Variants in PPARGC1A observed in about 807,000 individuals in gnomAD.
The protein encoded by PPARGC1A is PPARG coactivator 1 alpha.
Under a neutral mutation model 88.7 loss-of-function variants are expected in PPARGC1A, and 25 were observed. The observed-to-expected ratio is 0.28, with a 90% CI of 0.21 to 0.39. The LOEUF is 0.39. PPARGC1A is among the 10% of genes least tolerant of loss of function. PPARGC1A has a pLI of 1.00. For synonymous variants in PPARGC1A, 363 were observed against 355.6 expected (o/e 1.02, Z -0.24); for missense variants, 880 against 968.7 (o/e 0.91, Z 1.22).
chr4:24,084,232 T>C, the PPARGC1A span, among the ~76,000 whole-genome samples: 2 of 152,206 alleles, frequency 1.3e-5, no homozygotes, highest in African/African-American at 4.8e-5. Context: ...TACTGGTTAG[T>C]CCTGGCTAGA....
the PPARGC1A span, among the ~76,000 whole-genome samples, chr4:24,430,945 C>G: frequency 6.6e-6 from 1 of 151,774 alleles, no homozygotes; most frequent in African/African-American, 2.4e-5. Flanking sequence ...TGGTGAAACC[C>G]TTTCTCTACT....
chr4:24,100,065 T>C, the PPARGC1A span, among the ~76,000 whole-genome samples: 8 of 152,050 alleles, frequency 5.3e-5, no homozygotes, highest in Admixed American at 3.3e-4. Flanking sequence ...GGCACATGTG[T>C]ACATATGTAA....
chr4:23,874,049 T>C (rs1714160703), intron 2 of PPARGC1A, among the ~76,000 whole-genome samples: 1 of 151,908 alleles, frequency 6.6e-6, no homozygotes, highest in African/African-American at 2.4e-5. Flanking sequence ...CCTCCTCACT[T>C]TTCTGTGAAC....
chr4:23,818,534 A>T (rs1252653858), intron 7 of PPARGC1A, among the ~76,000 whole-genome samples: 1 of 152,150 alleles, frequency 6.6e-6, no homozygotes, highest in Non-Finnish European at 1.5e-5. Context: ...CAACCTTAGC[A>T]ATATTTATGA....
the PPARGC1A span, among the ~76,000 whole-genome samples, chr4:24,043,290 G>C: frequency 1.3e-5 from 2 of 152,126 alleles, no homozygotes; most frequent in African/African-American, 4.8e-5. Flanking sequence ...CTTACTAAAA[G>C]CACAGTCCTG....
At chr4:24,069,605 C>T in the PPARGC1A span, among the ~76,000 whole-genome samples, 26 of 152,258 alleles carry the variant, frequency 1.7e-4, no homozygotes, top group African/African-American at 4.8e-4. Flanking sequence ...CTTGTCTTCC[C>T]CTCCAGAAAT....
At chr4:24,191,598 G>A in the PPARGC1A span, among the ~76,000 whole-genome samples, 1 of 152,048 alleles carries the variant, frequency 6.6e-6, no homozygotes, top group Non-Finnish European at 1.5e-5. Flanking sequence ...TAAATGCTAG[G>A]CCAAATTCCA....
At chr4:24,202,143 G>A in the PPARGC1A span, among the ~76,000 whole-genome samples, 996 of 152,152 alleles carry the variant, frequency 6.5e-3, 4 homozygotes, top group Non-Finnish European at 9.4e-3. Flanking sequence ...CTTCCAAACC[G>A]CTGGGATTGC....
At chr4:24,472,904 G>A in the PPARGC1A span, among the ~76,000 whole-genome samples, 4 of 147,722 alleles carry the variant, frequency 2.7e-5, no homozygotes, top group East Asian at 8.3e-4. The surrounding 1 kb of genome is among the most constrained non-coding windows in gnomAD (Gnocchi z 4.5). Flanking sequence ...GCGGGCGTGT[G>A]CGCGCGGGGG....
the PPARGC1A span, among the ~76,000 whole-genome samples, chr4:24,106,019 T>C: frequency 6.6e-6 from 1 of 152,318 alleles, no homozygotes; most frequent in African/African-American, 2.4e-5. Context: ...CAAATTATGC[T>C]ACGCAGTTGA....
chr4:24,210,766 G>T, the PPARGC1A span, among the ~76,000 whole-genome samples: 1 of 152,186 alleles, frequency 6.6e-6, no homozygotes, highest in South Asian at 2.1e-4. Context: ...TTTTGAAAAT[G>T]AAGTGTGTTC....
the PPARGC1A span, among the ~76,000 whole-genome samples, chr4:24,349,961 G>A: frequency 3.3e-3 from 497 of 152,288 alleles, 7 homozygotes; most frequent in African/African-American, 0.011. Flanking sequence ...GGGACCCAGC[G>A]AGCTCCCAGG....
the PPARGC1A span, among the ~76,000 whole-genome samples, chr4:24,382,754 A>T: frequency 6.6e-6 from 1 of 152,192 alleles, no homozygotes; most frequent in Admixed American, 6.5e-5. Flanking sequence ...CTTATAGATA[A>T]AACTCCCATC....
the PPARGC1A span, among the ~76,000 whole-genome samples, chr4:23,926,049 C>T: frequency 0.22 from 33,660 of 152,054 alleles, 3,840 homozygotes; most frequent in African/African-American, 0.25. Flanking sequence ...CTGAATGCTG[C>T]TTCTCAGTGT....
the PPARGC1A span, among the ~76,000 whole-genome samples, chr4:24,026,040 C>A: frequency 1.3e-5 from 2 of 152,144 alleles, no homozygotes; most frequent in Non-Finnish European, 2.9e-5. Context: ...ATCTTTAAAA[C>A]CTTTGAAAGA....
At chr4:24,466,917 A>G in the PPARGC1A span, among the ~76,000 whole-genome samples, 15 of 143,582 alleles carry the variant, frequency 1.0e-4, no homozygotes, top group Non-Finnish European at 9.2e-5. Flanking sequence ...GGAAGGAAGG[A>G]AGGGAAGGAA....
chr4:23,865,116 T>C (rs917014387), intron 2 of PPARGC1A, among the ~76,000 whole-genome samples: 6 of 151,722 alleles, frequency 4.0e-5, no homozygotes, highest in Non-Finnish European at 7.4e-5. Context: ...ACCTGGGAGG[T>C]GGAGGTTGTA....
the PPARGC1A span, among the ~76,000 whole-genome samples, chr4:24,372,677 G>A: frequency 6.6e-6 from 1 of 152,110 alleles, no homozygotes; most frequent in Admixed American, 6.5e-5. Flanking sequence ...AAAAATATAG[G>A]CTTTGTAGCT....
the PPARGC1A span, among the ~76,000 whole-genome samples, chr4:24,074,233 C>T: frequency 6.6e-6 from 1 of 152,156 alleles, no homozygotes. Context: ...CCTGTGTGAG[C>T]TTGGACACCC....
Sources: gnomAD v4.1 joint callset for allele counts (sites outside exome capture counted in the v4.1 genomes callset) on GRCh38, gnomAD v4.1.1 for gene constraint, Gnocchi (gnomAD v3.1) non-coding constraint, MANE v1.5 for transcripts, NCBI Gene and HGNC (gene_info 2026-07-23, HGNC 2026-07-21) for gene names.